ZC3H13: variants seen among roughly 807,000 people sequenced by gnomAD.
ZC3H13 encodes zinc finger CCCH-type containing 13, also known as zinc finger CCCH domain-containing protein 13.
Under a neutral mutation model 204.1 loss-of-function variants are expected in ZC3H13, and 64 were observed. The ratio of observed to expected loss-of-function variants is 0.31; its 90% CI spans 0.26 to 0.39. The LOEUF (loss-of-function observed/expected upper bound fraction) is 0.39, where lower values mean the gene tolerates loss of function less well. Among genes scored for constraint, ZC3H13 ranks in the 10% least tolerant of loss-of-function variants. The pLI is 1.00. For missense variants in ZC3H13, 1,833 were observed against 2,082.7 expected, an observed-to-expected ratio of 0.88 and a Z score of 2.33; for synonymous variants, 667 against 693.7, an observed-to-expected ratio of 0.96 and a Z score of 0.60.
intron 4 of ZC3H13, among the ~76,000 whole-genome samples, chr13:46,031,395 T>C (rs999553983): frequency 2.6e-5 from 4 of 151,992 alleles, no homozygotes; most frequent in African/African-American, 4.8e-5. Flanking sequence ...AATGACATCT[T>C]AGACACATCA....
chr13:46,041,754 G>A (rs1004173521), intron 4 of ZC3H13, among the ~76,000 whole-genome samples: 1 of 152,112 alleles, frequency 6.6e-6, no homozygotes, highest in African/African-American at 2.4e-5. Context: ...TTCTAGTGCA[G>A]TTTGTTAACC....
intron 5 of ZC3H13, among the ~76,000 whole-genome samples, chr13:46,013,757 A>T (rs2041730740): frequency 6.6e-6 from 1 of 152,230 alleles, no homozygotes; most frequent in Admixed American, 6.5e-5. Flanking sequence ...CACATAAATG[A>T]TTGTTAAGTC....
intron 4 of ZC3H13, among the ~76,000 whole-genome samples, chr13:46,025,958 G>C (rs2042519196): frequency 6.6e-6 from 1 of 151,062 alleles, no homozygotes; most frequent in South Asian, 2.1e-4. Context: ...CTGAACGTTA[G>C]ACCAACAGCC....
intron 18 of ZC3H13, among the ~76,000 whole-genome samples, chr13:45,958,219 C>T (rs1039604425): frequency 2.0e-5 from 3 of 152,210 alleles, no homozygotes; most frequent in Admixed American, 1.3e-4. Context: ...CCCCTACCCA[C>T]TACCCTAAAT....
At chr13:46,045,330 A>G in intron 2 of ZC3H13, 61 bp downstream of exon 2, 1 of 1,387,692 alleles carries the variant, frequency 7.2e-7, no homozygotes, top group Non-Finnish European at 1.0e-6. Context: ...TATGATACAA[A>G]TAAGCATTTC....
Position 45,985,739 on chromosome 13 carries a change from T to C in ZC3H13, c.1278A>G (p.Arg426=), listed in dbSNP as rs1350717393. The C allele has an allele frequency of 1.9e-6, 3 of 1,610,244 alleles. No individual in the cohort carries two copies. The Admixed American group carries it at 5.1e-5, about 27-fold the overall frequency. ...RREDTRGKRD[R]EKDSREEREY... ...CTCGTTCTTCTCTTGAGTCCTTTTC[T>C]CTGTCTCGTTTGCCCCTAGTATCTG... Residue 426 remains arginine (R), a synonymous_variant, in exon 10 of 19, where the codon AGA becomes AGG. Coordinates refer to ENST00000679008, the MANE Select transcript of ZC3H13 (RefSeq NM_001330564.2).
At chr13:45,970,296 G>A in intron 13 of ZC3H13, 66 bp downstream of exon 13, 1 of 1,545,380 alleles carries the variant, frequency 6.5e-7, no homozygotes, top group Non-Finnish European at 8.9e-7. Context: ...CTACTAGTAT[G>A]AAAGGATGGT....
rs753228361 is a variant in ZC3H13, at chr13:45,970,421, G to C, written c.2513C>G (p.Pro838Arg). ...CGGAGAATGTTCACGCCGGCGCTTCGGGGACTGTCTAGGGCTGGGACTCCC... is the reference window on the plus strand; with the variant it reads ...CGGAGAATGTTCACGCCGGCGCTTCCGGGACTGTCTAGGGCTGGGACTCCC... The part of the protein sequence containing the change: ...NEGSPSPRQS[P>R]KRRREHSPDS... The change falls in exon 13 of 19, where the codon CCG (proline) becomes CGG (arginine). Residue 838 changes from proline to arginine, a missense_variant. Physicochemically the swap from Pro to Arg is moderately radical, Grantham distance 103 (BLOSUM62 -2). Around this residue, in one of 5 missense-constraint regions of ZC3H13, gnomAD observed 1,574 missense variants for 1,757.2 expected, o/e 0.90. Transcript: ENST00000679008. The C allele has an allele frequency of 6.2e-7, 1 of 1,613,722 alleles. No individual in the cohort carries two copies. Among genetic ancestry groups the C allele is most frequent in the Non-Finnish European group, 8.5e-7 (1 of 1,179,866 alleles).
rs762112950 is a variant in ZC3H13, at chr13:46,003,280, G to C, written c.803C>G (p.Pro268Arg). 5.6e-6 allele frequency: 9 copies of C among 1,612,718 alleles called. No individual in the cohort carries two copies. The highest frequency in any genetic ancestry group is 1.3e-5 in the African/African-American group (1 of 74,858). ...KKGPRTPSPP[P>R]PIPEDIALGK... ...CAGAGCGATATCTTCTGGTATAGGAGGGGGTGGACTAGGAGTACGTGGTCC... is the reference window on the plus strand; with the variant it reads ...CAGAGCGATATCTTCTGGTATAGGACGGGGTGGACTAGGAGTACGTGGTCC... Residue 268 changes from proline (P) to arginine (R), a missense_variant, in exon 8 of 19, where the codon CCT becomes CGT. Physicochemically the swap from Pro to Arg is moderately radical, Grantham distance 103 (BLOSUM62 -2). Around this residue, in one of 5 missense-constraint regions of ZC3H13, gnomAD observed 1,574 missense variants for 1,757.2 expected, o/e 0.90. Coordinates refer to ENST00000679008, the MANE Select transcript of ZC3H13 (RefSeq NM_001330564.2).
intron 17 of ZC3H13, chr13:45,963,130 G>A: frequency 1.0e-6 from 1 of 968,164 alleles, no homozygotes; most frequent in Non-Finnish European, 1.2e-6. Flanking sequence ...GAAGTTGGTG[G>A]TATGATTATT....
chr13:46,050,988 CTA>C (rs1222926768), intron 1 of ZC3H13, among the ~76,000 whole-genome samples: 1 of 152,096 alleles, frequency 6.6e-6, no homozygotes, highest in Non-Finnish European at 1.5e-5. Flanking sequence ...AGCTCCACCT[CTA>C]TATGAGATGG....
intron 8 of ZC3H13, among the ~76,000 whole-genome samples, chr13:45,992,858 T>C (rs1244534442): frequency 3.9e-5 from 6 of 152,130 alleles, no homozygotes; most frequent in African/African-American, 1.4e-4. Context: ...GATCTACCCT[T>C]GCTTCTCAGG....
rs112388836 is a variant in ZC3H13, at chr13:46,020,387, C to T, written c.448+62G>A. 889 of 1,308,792 alleles carry T rather than the reference C, an allele frequency of 6.8e-4. 13 individuals are homozygous for T. The African/African-American group carries it at 0.01, about 15-fold the overall frequency. 81.1% of individuals were successfully genotyped at this position (1,308,792 alleles called of 1,614,324 possible). On this transcript the variant is annotated intron_variant, in intron 5 of 18. Coordinates refer to ENST00000679008, the MANE Select transcript of ZC3H13 (RefSeq NM_001330564.2). ...CAGTCGAAAGGTGTTCTGAAGCCCA[C>T]GAAAACTCTAGAAAGTAAATAATCA...
rs1202307886 is a variant in ZC3H13, at chr13:45,985,759, T to C, written c.1258A>G (p.Thr420Ala). Reference sequence around the variant, plus strand: ...TTTTCTCTGTCTCGTTTGCCCCTAGTATCTGTAATGCAATTTTGGAAATTG... The same window carrying C: ...TTTTCTCTGTCTCGTTTGCCCCTAGCATCTGTAATGCAATTTTGGAAATTG... ...HDRRHERRED[T>A]RGKRDREKDS... is the part of the protein sequence containing the mutation. Residue 420 changes from threonine to alanine, a missense_variant and splice_region_variant, in exon 10 of 19, where the codon ACT becomes GCT. Thr to Ala is a moderately conservative substitution (Grantham distance 58). Transcript: ENST00000679008. 6.3e-7 allele frequency: 1 copy of C among 1,592,056 alleles called. No homozygotes were observed. The highest frequency in any genetic ancestry group is 1.4e-5 in the African/African-American group (1 of 73,254).
At chr13:46,016,454 T>A (rs1297129087) in intron 5 of ZC3H13, among the ~76,000 whole-genome samples, 1 of 152,180 alleles carries the variant, frequency 6.6e-6, no homozygotes, top group Non-Finnish European at 1.5e-5. Context: ...CAGATAATAC[T>A]GTTAACAAAA....
chr13:45,970,264 A>G, intron 13 of ZC3H13, 98 bp downstream of exon 13: 1 of 1,358,642 alleles, frequency 7.4e-7, no homozygotes, highest in Non-Finnish European at 1.0e-6. Flanking sequence ...ACAACTTTTT[A>G]AAAATCTTAA....
intron 4 of ZC3H13, among the ~76,000 whole-genome samples, chr13:46,026,306 A>G (rs2042541492): frequency 6.6e-6 from 1 of 152,128 alleles, no homozygotes; most frequent in South Asian, 2.1e-4. Flanking sequence ...TTCTGTATCT[A>G]TGTACCTAAT....
chr13:45,989,185 A>T, intron 8 of ZC3H13, 88 bp from the exon 9 acceptor site: 1 of 1,245,000 alleles, frequency 8.0e-7, no homozygotes. Context: ...AAAAGTGAAT[A>T]TGAAAGTATA....
intron 12 of ZC3H13, among the ~76,000 whole-genome samples, chr13:45,974,734 A>G (rs546170398): frequency 1.3e-5 from 2 of 152,314 alleles, no homozygotes; most frequent in African/African-American, 4.8e-5. Context: ...AAAGTCATGA[A>G]GGATCATCAG....
Sources: gnomAD v4.1 joint callset for allele counts (sites outside exome capture counted in the v4.1 genomes callset) on GRCh38, gnomAD v4.1.1 for gene constraint, gnomAD v4.1.1 regional missense constraint, MANE v1.5 for transcripts, NCBI Gene and HGNC (gene_info 2026-07-23, HGNC 2026-07-21) for gene names.